Variants in ZNF229 observed in about 807,000 individuals in gnomAD.
ZNF229 encodes the protein zinc finger protein 229.
Under a neutral mutation model 11.8 loss-of-function variants are expected in ZNF229, and 10 were observed. The observed-to-expected ratio is 0.85, with a 90% CI of 0.52 to 1.44. The LOEUF (loss-of-function observed/expected upper bound fraction) is 1.44. Ranked by LOEUF, ZNF229 falls within the 40% of genes most tolerant of loss-of-function variation. ZNF229 has a pLI of 0.00. For synonymous variants in ZNF229, 368 were observed against 374.8 expected, an observed-to-expected ratio of 0.98 and a Z score of 0.21; for missense variants, 1,045 against 1,015.1, an observed-to-expected ratio of 1.03 and a Z score of -0.40.
Position 44,429,360 on chromosome 19 carries a change from G to A in ZNF229, c.1421C>T (p.Ser474Phe), listed in dbSNP as rs758572843. ...GECGKGFSCS[S>F]HLSSHQKTHT... The stretch of plus-strand genomic sequence containing the variant: ...TGTCTTCTGATGACTGCTGAGGTGG[G>A]AGCTGCAGCTGAATCCCTTTCCACA... The change falls in exon 6 of 6, where the codon TCC becomes TTC. Residue 474 changes from serine to phenylalanine, a missense_variant. Transcript: ENST00000614049. 8 of 1,614,058 alleles carry A rather than the reference G, an allele frequency of 5.0e-6. No individual in the cohort carries two copies. Among genetic ancestry groups the A allele is most frequent in the Non-Finnish European group, 8.5e-7 (1 of 1,179,970 alleles).
Position 44,427,296 on chromosome 19 carries a change from C to T in ZNF229, c.*1007G>A, listed in dbSNP as rs1971595150. 2 of 143,422 alleles carry T rather than the reference C, an allele frequency of 1.4e-5. No homozygotes were observed. Among genetic ancestry groups the T allele is most frequent in the South Asian group, 4.5e-4 (2 of 4,406 alleles). 8.9% of individuals were successfully genotyped at this position (143,422 alleles called of 1,614,324 possible). On this transcript the variant is annotated 3_prime_UTR_variant, in exon 6 of 6. Transcript: ENST00000614049. ...GATGATTCTATTTTAATACTGCTAA[C>T]CTGCAGGGTGAAATAGCATTTGTGA...
rs1267191014 is a variant in ZNF229 at position 44,429,222 on chromosome 19, T to C, written c.1559A>G (p.Asn520Ser). 2 of 1,613,614 alleles carry C rather than the reference T, an allele frequency of 1.2e-6. No individual in the cohort carries two copies. Among genetic ancestry groups the C allele is most frequent in the Non-Finnish European group, 1.7e-6 (2 of 1,179,934 alleles). ...GTAACTGAAACTCTTACCACACACG[T>C]TACATTTGTACAGATGCTGCCCCAT... The part of the protein sequence containing the change: ...VHMGQHLYKC[N>S]VCGKSFSYSS... Residue 520 changes from asparagine (N) to serine (S), a missense_variant, in exon 6 of 6, where the codon AAC (asparagine) becomes AGC (serine). Transcript: ENST00000614049.
At chr19:44,433,859 C>T (rs1219477806) in intron 4 of ZNF229, among the ~76,000 whole-genome samples, 13 of 152,236 alleles carry the variant, frequency 8.5e-5, no homozygotes, top group African/African-American at 2.7e-4. Context: ...CTTTGCTTCC[C>T]GGGTTCAAGT....
At chr19:44,432,155 TG>T (rs1490001628) in intron 5 of ZNF229, 66 bp downstream of exon 5, 15 of 1,543,418 alleles carry the variant, frequency 9.7e-6, no homozygotes, top group Admixed American at 2.2e-5. Context: ...ATTTAACCTG[TG>T]TAAAAAAGCC....
At chr19:44,431,865 G>C (rs1568403688) in intron 5 of ZNF229, 1 of 952,156 alleles carries the variant, frequency 1.1e-6, no homozygotes, top group Non-Finnish European at 1.3e-6. Flanking sequence ...ATTAGGAGGT[G>C]GTGGGTCTTC....
chr19:44,442,983 C>T lies in ZNF229; in HGVS notation c.-136G>A. ...AGCTCTGACAAGTTCCTGTCTCCAC[C>T]TTTACTGTCCAGAGCGCGACTGCTT... On this transcript the variant is annotated 5_prime_UTR_variant, in exon 3 of 6. Transcript: ENST00000614049. The T allele has an allele frequency of 9.5e-7, 1 of 1,048,910 alleles. No individual in the cohort carries two copies. The highest frequency in any genetic ancestry group is 2.0e-5 in the Admixed American group (1 of 50,804). 65.0% of individuals were successfully genotyped at this position (1,048,910 alleles called of 1,614,324 possible). A position where few individuals can be genotyped will look rare whatever the true frequency, so the allele number is the denominator to read the frequency against.
rs1307180442 is a variant in ZNF229, at chr19:44,430,466, T to C, written c.315A>G (p.Ser105=). ...CTGCCACCTCTTCCCAGATTTTGCA[T>C]GAGGAGAGCTCTTTGTGTGAAAAGA... ...LRFFSHKELS[S]CKIWEEVAGE... The change falls in exon 6 of 6, where the codon TCA becomes TCG. Residue 105 remains serine (S), a synonymous_variant. Transcript: ENST00000614049. 1.2e-6 allele frequency: 2 copies of C among 1,614,164 alleles called. No individual in the cohort carries two copies. Among genetic ancestry groups the C allele is most frequent in the East Asian group, 2.2e-5 (1 of 44,886 alleles).
chr19:44,442,428 T>C (rs749603697), intron 4 of ZNF229, 135 bp downstream of exon 4: 7 of 840,648 alleles, frequency 8.3e-6, no homozygotes, highest in Non-Finnish European at 5.7e-6. Flanking sequence ...CACATCACTA[T>C]TTTGTGGATA....
In ZNF229 at chr19:44,428,715, C is replaced by A; in HGVS notation, c.2066G>T (p.Cys689Phe). The A allele has an allele frequency of 6.2e-7, 1 of 1,613,942 alleles. No individual in the cohort carries two copies. The highest frequency in any genetic ancestry group is 1.6e-4 in the Middle Eastern group (1 of 6,062). ...AGAGCCATAACTGAATCCCTTGCCA[C>A]ACTGATCACACGTATAGGGCTTTTT... ...TGKKPYTCDQ[C>F]GKGFSYGSNL... Residue 689 changes from cysteine to phenylalanine, a missense_variant, in exon 6 of 6, where the codon TGT becomes TTT. Coordinates refer to ENST00000614049, the MANE Select transcript of ZNF229 (RefSeq NM_014518.4).
chr19:44,429,666 G>A lies in ZNF229; in HGVS notation c.1115C>T (p.Thr372Ile). The change falls in exon 6 of 6, where the codon ACA becomes ATA. Residue 372 changes from threonine to isoleucine, a missense_variant. Transcript: ENST00000614049. The part of the protein sequence containing the change: ...SVLLIHQGVH[T>I]GRRPYKCEEC... ...CTCACATTTATAGGGTCTCCTTCCT[G>A]TGTGCACCCCTTGATGAATAAGAAG... is the stretch of plus-strand genomic sequence containing the variant. The A allele has an allele frequency of 1.2e-6, 2 of 1,614,118 alleles. No homozygotes were observed. Among genetic ancestry groups the A allele is most frequent in the Non-Finnish European group, 8.5e-7 (1 of 1,180,024 alleles).
chr19:44,439,903 C>A (rs901906544), intron 4 of ZNF229, among the ~76,000 whole-genome samples: 2 of 152,096 alleles, frequency 1.3e-5, no homozygotes, highest in African/African-American at 4.8e-5. Context: ...TCTACTAAAT[C>A]TTTATTTTAA....
intron 4 of ZNF229, among the ~76,000 whole-genome samples, chr19:44,432,760 C>T (rs1971748291): frequency 6.6e-6 from 1 of 151,852 alleles, no homozygotes; most frequent in Non-Finnish European, 1.5e-5. Flanking sequence ...GTAATGGGTG[C>T]AGCACACCAA....
intron 2 of ZNF229, among the ~76,000 whole-genome samples, chr19:44,445,824 G>A (rs1028588486): frequency 5.3e-5 from 8 of 152,304 alleles, no homozygotes; most frequent in Admixed American, 1.3e-4. Context: ...ATGGGAGAAC[G>A]GGAGTAACCT....
At chr19:44,442,783 C>A in intron 3 of ZNF229, 31 bp downstream of exon 3, 10 of 1,425,504 alleles carry the variant, frequency 7.0e-6, no homozygotes, top group Non-Finnish European at 9.9e-6. Context: ...TTTGGATTCT[C>A]CCCCCACCCA....
intron 2 of ZNF229, among the ~76,000 whole-genome samples, chr19:44,447,068 A>G (rs1328160609): frequency 6.6e-6 from 1 of 152,190 alleles, no homozygotes; most frequent in Non-Finnish European, 1.5e-5. Context: ...AACTTTTTAA[A>G]CCTTAGCAAC....
chr19:44,433,048 T>A (rs895321778), intron 4 of ZNF229, among the ~76,000 whole-genome samples: 3 of 151,890 alleles, frequency 2.0e-5, no homozygotes, highest in Non-Finnish European at 2.9e-5. Context: ...TATCCTGTGC[T>A]CACTTGGGGC....
At position 44,432,330 on chromosome 19, in the gene ZNF229, T is replaced by C; in HGVS notation, c.130A>G (p.Thr44Ala). ...LSFKDVAVVF[T>A]EEELELLDST... ...TCCAGCAGCTCTAGCTCCTCCTCAGTGAAGACCACAGCCACGTCCTTGAAG... is the reference window on the plus strand; with the variant it reads ...TCCAGCAGCTCTAGCTCCTCCTCAGCGAAGACCACAGCCACGTCCTTGAAG... Residue 44 changes from threonine (T) to alanine (A), a missense_variant, in exon 5 of 6, where the codon ACT becomes GCT. Coordinates refer to ENST00000614049, the MANE Select transcript of ZNF229 (RefSeq NM_014518.4). 1.9e-6 allele frequency: 3 copies of C among 1,613,686 alleles called. No homozygotes were observed.
intron 2 of ZNF229, among the ~76,000 whole-genome samples, chr19:44,444,129 G>C (rs1301551485): frequency 1.3e-5 from 2 of 152,102 alleles, no homozygotes; most frequent in Middle Eastern, 3.4e-3. Flanking sequence ...CTATCAGCAG[G>C]AGGTGATGCA....
chr19:44,444,049 A>C (rs1014459266), intron 2 of ZNF229, among the ~76,000 whole-genome samples: 5 of 152,100 alleles, frequency 3.3e-5, no homozygotes, highest in African/African-American at 4.8e-5. Flanking sequence ...AAAATAATTG[A>C]GTCTTCTTTT....
Sources: gnomAD v4.1 joint callset for allele counts (sites outside exome capture counted in the v4.1 genomes callset) on GRCh38, gnomAD v4.1.1 for gene constraint, MANE v1.5 for transcripts, NCBI Gene and HGNC (gene_info 2026-07-23, HGNC 2026-07-21) for gene names.